ZFPM2: variants seen among roughly 807,000 people sequenced by gnomAD.
The protein encoded by ZFPM2 is zinc finger protein ZFPM2.
ZFPM2 carries 20 observed loss-of-function variants against 98.6 expected under a neutral mutation model. The observed-to-expected ratio is 0.20, with a 90% CI of 0.14 to 0.29. The LOEUF (loss-of-function observed/expected upper bound fraction) is 0.29. Ranked by LOEUF, ZFPM2 falls within the 10% of genes least tolerant of loss-of-function variation. ZFPM2 has a pLI of 1.00. For synonymous variants in ZFPM2, 518 were observed against 502.7 expected (o/e 1.03, Z -0.41); for missense variants, 1,310 against 1,388.6 (o/e 0.94, Z 0.90).
At chr8:105,426,673 G>C (rs2130119651) in intron 2 of ZFPM2, among the ~76,000 whole-genome samples, 1 of 152,154 alleles carries the variant, frequency 6.6e-6, no homozygotes, top group African/African-American at 2.4e-5. Flanking sequence ...TATAGGCCGG[G>C]GCGGTGGCTC....
At chr8:105,547,372 G>A (rs1489433775) in intron 3 of ZFPM2, among the ~76,000 whole-genome samples, 3 of 151,590 alleles carry the variant, frequency 2.0e-5, no homozygotes, top group Non-Finnish European at 4.4e-5. Context: ...GTGAAACCCT[G>A]TCTCTACAAA....
rs528936125 is a variant in ZFPM2, at chr8:105,334,769, A to G, written c.40+15788A>G. ...GAGTGATTTTAAGATGCTTATTTTT[A>G]TACATATTATTATATGCAGACATAG... On this transcript the variant is annotated intron_variant, in intron 1 of 7. Coordinates refer to ENST00000407775, the MANE Select transcript of ZFPM2 (RefSeq NM_012082.4). Among the ~76,000 whole-genome samples the G allele has an allele frequency of 1.3e-4, 19 of 151,812 alleles. No individual in the cohort carries two copies. The Middle Eastern group carries it at 0.017, about 136-fold the overall frequency.
chr8:105,716,523 G>A (rs1811528002), intron 5 of ZFPM2, among the ~76,000 whole-genome samples: 2 of 151,882 alleles, frequency 1.3e-5, no homozygotes, highest in African/African-American at 4.8e-5. Flanking sequence ...CCTCAATCAG[G>A]TATATTAAAA....
chr8:105,643,351 A>G (rs915120509), intron 5 of ZFPM2, among the ~76,000 whole-genome samples: 9 of 152,088 alleles, frequency 5.9e-5, no homozygotes, highest in African/African-American at 1.9e-4. Context: ...GCTTACTTCC[A>G]GGTTACCCAA....
At chr8:105,319,496 G>C (rs1301724583) in intron 1 of ZFPM2, 1 of 152,382 alleles carries the variant, frequency 6.6e-6, no homozygotes, top group Admixed American at 6.5e-5. Context: ...CCCGATCCTG[G>C]GCGGTGCCAG....
At chr8:105,666,223 C>T (rs1354442859) in intron 5 of ZFPM2, among the ~76,000 whole-genome samples, 1 of 148,602 alleles carries the variant, frequency 6.7e-6, no homozygotes, top group Non-Finnish European at 1.5e-5. Context: ...CCCATTTACT[C>T]TATTGTTTCA....
intron 5 of ZFPM2, among the ~76,000 whole-genome samples, chr8:105,653,271 T>TA (rs1184262874): frequency 6.6e-6 from 1 of 152,010 alleles, no homozygotes; most frequent in Non-Finnish European, 1.5e-5. Flanking sequence ...AGCAAACTGA[T>TA]ACAAAAAAAA....
intron 3 of ZFPM2, among the ~76,000 whole-genome samples, chr8:105,530,858 G>T (rs1814283184): frequency 6.6e-6 from 1 of 152,114 alleles, no homozygotes; most frequent in African/African-American, 2.4e-5. Flanking sequence ...GCTCTACAAT[G>T]TAAGGTATCC....
chr8:105,771,039 A>G (rs2131090977), intron 5 of ZFPM2, among the ~76,000 whole-genome samples: 1 of 152,256 alleles, frequency 6.6e-6, no homozygotes, highest in East Asian at 1.9e-4. Context: ...CTGGGCCCTG[A>G]GTGTTGATAA....
chr8:105,678,484 G>A (rs1437422810), intron 5 of ZFPM2: 2 of 152,096 alleles, frequency 1.3e-5, no homozygotes, highest in East Asian at 1.9e-4. Flanking sequence ...TTTTAGAAAT[G>A]GCCTTTATGC....
intron 3 of ZFPM2, among the ~76,000 whole-genome samples, chr8:105,475,075 T>C (rs1014833463): frequency 2.0e-5 from 3 of 152,220 alleles, no homozygotes; most frequent in African/African-American, 7.2e-5. Flanking sequence ...AAGTACTTCA[T>C]TTCTTTTACT....
In ZFPM2 at chr8:105,506,940, A is replaced by G. The variant is rs566745690; in HGVS notation, c.302-54423A>G. ...GAGGCGGAGCTTGCAGTGAGCCAAG[A>G]TTGCGCCACTGCACTCCAGCCTGGG... On this transcript the variant is annotated intron_variant, in intron 3 of 7. Coordinates refer to ENST00000407775, the MANE Select transcript of ZFPM2 (RefSeq NM_012082.4). Among the ~76,000 whole-genome samples the G allele has an allele frequency of 6.8e-4, 99 of 146,344 alleles. 1 individual carries two copies. The highest frequency in any genetic ancestry group is 3.5e-3 in the Admixed American group (50 of 14,368).
chr8:105,585,827 ACT>A (rs1238108246), intron 4 of ZFPM2, among the ~76,000 whole-genome samples: 1 of 152,174 alleles, frequency 6.6e-6, no homozygotes, highest in East Asian at 1.9e-4. Context: ...CTAGAGCAAG[ACT>A]CTGTCTGTAA....
intron 5 of ZFPM2, among the ~76,000 whole-genome samples, chr8:105,656,156 A>AAC (rs34846375): frequency 0.15 from 23,360 of 151,470 alleles, 2,166 homozygotes; most frequent in Middle Eastern, 0.29. Flanking sequence ...GACAGACAGA[A>AAC]ACACACACAC....
chr8:105,582,335 G>A (rs549610816), intron 4 of ZFPM2, among the ~76,000 whole-genome samples: 1 of 152,130 alleles, frequency 6.6e-6, no homozygotes, highest in African/African-American at 2.4e-5. Context: ...CTTAACTAGG[G>A]CCAGTTTTGT....
chr8:105,651,292 C>T (rs1817168821), intron 5 of ZFPM2, among the ~76,000 whole-genome samples: 1 of 151,980 alleles, frequency 6.6e-6, no homozygotes, highest in Non-Finnish European at 1.5e-5. Context: ...CAATCATACT[C>T]AATTGTTTAA....
At chr8:105,390,121 T>C (rs1811079645) in intron 1 of ZFPM2, among the ~76,000 whole-genome samples, 2 of 152,302 alleles carry the variant, frequency 1.3e-5, no homozygotes, top group South Asian at 2.1e-4. Context: ...CAACCTATAG[T>C]TTGTGCAGAC....
chr8:105,788,707 C>T lies in ZFPM2; in HGVS notation c.533-11C>T, dbSNP rs776725415. The T allele has an allele frequency of 2.5e-6, 4 of 1,612,546 alleles. No homozygotes were observed. The highest frequency in any genetic ancestry group is 1.7e-4 in the Middle Eastern group (1 of 6,046). ...TGTCAATTTTATCTTTTTCTTTTTT[C>T]TTCTTAATAGGGGGTCAGCTTTGGT... On this transcript the variant is annotated splice_polypyrimidine_tract_variant and intron_variant, in intron 5 of 7. Coordinates refer to ENST00000407775, the MANE Select transcript of ZFPM2 (RefSeq NM_012082.4).
At chr8:105,422,025 C>G (rs149232881) in intron 2 of ZFPM2, among the ~76,000 whole-genome samples, 1 of 120,656 alleles carries the variant, frequency 8.3e-6, no homozygotes, top group Non-Finnish European at 1.6e-5. Context: ...CTAGCCTGTG[C>G]GACGGGAGCG....
Sources: gnomAD v4.1 joint callset for allele counts (sites outside exome capture counted in the v4.1 genomes callset) on GRCh38, gnomAD v4.1.1 for gene constraint, MANE v1.5 for transcripts, NCBI Gene and HGNC (gene_info 2026-07-23, HGNC 2026-07-21) for gene names.